Variants in MAGI2 observed in about 807,000 individuals in gnomAD.
MAGI2 encodes the protein membrane associated guanylate kinase, WW and PDZ domain containing 2, also known as membrane-associated guanylate kinase, WW and PDZ domain-containing protein 2.
Under a neutral mutation model 133.3 loss-of-function variants are expected in MAGI2, and 35 were observed. The observed-to-expected ratio is 0.26, with a 90% CI of 0.20 to 0.35. The LOEUF is 0.35. Ranked by LOEUF, MAGI2 falls within the 10% of genes least tolerant of loss-of-function variation. The probability of loss-of-function intolerance (pLI) is 1.00; values close to 1 mark genes in which losing one functional copy is unlikely to be tolerated. For missense variants in MAGI2, 1,636 were observed against 1,863.4 expected (o/e 0.88, Z 2.25); for synonymous variants, 729 against 710.6 (o/e 1.03, Z -0.41).
rs544152981 is a variant in MAGI2, at chr7:78,374,781, C to T, written c.1046-5568G>A. Among the ~76,000 whole-genome samples the T allele has an allele frequency of 5.3e-4, 80 of 152,050 alleles. 1 individual carries two copies. Among genetic ancestry groups the T allele is most frequent in the Non-Finnish European group, 8.8e-4 (60 of 67,984 alleles). On this transcript the variant is annotated intron_variant, in intron 6 of 21. Coordinates refer to ENST00000354212, the MANE Select transcript of MAGI2 (RefSeq NM_012301.4). ...GAACACTGGATTCATTTTGATAGAA[C>T]TGAAATTTAAATAAAATGAGAATGT...
At chr7:78,969,361 A>T (rs2115944561) in intron 2 of MAGI2, among the ~76,000 whole-genome samples, 1 of 152,164 alleles carries the variant, frequency 6.6e-6, no homozygotes, top group East Asian at 1.9e-4. Context: ...CGCCTTGGGT[A>T]ACCTACTTTC....
intron 2 of MAGI2, among the ~76,000 whole-genome samples, chr7:78,720,323 A>G (rs1195783362): frequency 6.6e-6 from 1 of 152,096 alleles, no homozygotes; most frequent in African/African-American, 2.4e-5. Context: ...AGTGTGTACT[A>G]ACTCACTTAA....
At chr7:78,195,832 C>T (rs1399001355) in intron 11 of MAGI2, among the ~76,000 whole-genome samples, 1 of 152,222 alleles carries the variant, frequency 6.6e-6, no homozygotes, top group Admixed American at 6.5e-5. Flanking sequence ...AAGCCAGACT[C>T]CCTGAGACCA....
At chr7:78,369,965 A>T (rs570217409) in intron 6 of MAGI2, among the ~76,000 whole-genome samples, 1 of 152,182 alleles carries the variant, frequency 6.6e-6, no homozygotes, top group Admixed American at 6.5e-5. Flanking sequence ...TATAATTATT[A>T]ACTCCTACAA....
At chr7:78,098,966 G>GT (rs559712637) in intron 20 of MAGI2, among the ~76,000 whole-genome samples, 7 of 151,864 alleles carry the variant, frequency 4.6e-5, no homozygotes, top group African/African-American at 1.7e-4. Flanking sequence ...AATTCATGGA[G>GT]TTTTTTTTAT....
At chr7:78,545,205 C>T (rs533842406) in intron 3 of MAGI2, among the ~76,000 whole-genome samples, 1 of 138,546 alleles carries the variant, frequency 7.2e-6, no homozygotes, top group Admixed American at 8.3e-5. Flanking sequence ...CTGATAATAA[C>T]CTGATTCTTT....
intron 2 of MAGI2, among the ~76,000 whole-genome samples, chr7:78,937,604 C>T (rs1487091639): frequency 6.6e-6 from 1 of 152,110 alleles, no homozygotes; most frequent in Non-Finnish European, 1.5e-5. Context: ...ACGTCACCAT[C>T]ACAAAGTAGA....
chr7:78,163,198 C>T (rs557466395), intron 15 of MAGI2, among the ~76,000 whole-genome samples: 12 of 152,138 alleles, frequency 7.9e-5, no homozygotes, highest in African/African-American at 1.7e-4. Context: ...AGTGCAGTGG[C>T]GCGGTCTTGG....
chr7:79,156,734 G>C (rs1823815336), intron 1 of MAGI2, among the ~76,000 whole-genome samples: 1 of 152,070 alleles, frequency 6.6e-6, no homozygotes, highest in South Asian at 2.1e-4. Flanking sequence ...CATGTTTTCA[G>C]GACCTCTTGA....
At chr7:79,378,140 C>T (rs1243979240) in intron 1 of MAGI2, among the ~76,000 whole-genome samples, 1 of 151,752 alleles carries the variant, frequency 6.6e-6, no homozygotes, top group African/African-American at 2.4e-5. Context: ...GGAAAACACA[C>T]CTGATTTGGT....
chr7:79,416,714 CTTTTCT>C (rs1563203576), intron 1 of MAGI2, among the ~76,000 whole-genome samples: 1 of 111,840 alleles, frequency 8.9e-6, no homozygotes, highest in African/African-American at 3.9e-5. Flanking sequence ...TTTTTCTTTT[CTTTTCT>C]TTTTCTTTTT....
At chr7:78,660,614 A>G (rs1244989743) in intron 2 of MAGI2, among the ~76,000 whole-genome samples, 1 of 152,212 alleles carries the variant, frequency 6.6e-6, no homozygotes, top group Non-Finnish European at 1.5e-5. Flanking sequence ...AACATGCTAT[A>G]AATGATATGA....
chr7:78,232,654 C>A (rs1278803770), intron 10 of MAGI2, among the ~76,000 whole-genome samples: 1 of 152,054 alleles, frequency 6.6e-6, no homozygotes, highest in Non-Finnish European at 1.5e-5. Context: ...AAAATGGTAA[C>A]CCCAATGTTA....
intron 12 of MAGI2, among the ~76,000 whole-genome samples, chr7:78,193,798 G>A (rs759027026): frequency 4.6e-5 from 7 of 151,802 alleles, no homozygotes; most frequent in Non-Finnish European, 5.9e-5. Context: ...GTTTCATTTT[G>A]ACATTAATGA....
intron 2 of MAGI2, among the ~76,000 whole-genome samples, chr7:78,954,343 T>TC (rs1159994156): frequency 1.3e-5 from 2 of 152,096 alleles, no homozygotes; most frequent in Non-Finnish European, 2.9e-5. Context: ...TCTTTTTTTT[T>TC]CCTCTGAAGA....
intron 2 of MAGI2, among the ~76,000 whole-genome samples, chr7:78,912,992 A>G (rs1355623981): frequency 6.6e-6 from 1 of 151,772 alleles, no homozygotes; most frequent in African/African-American, 2.4e-5. Flanking sequence ...GGGGGTGGAG[A>G]TCAAGAGAAA....
chr7:78,626,998 CATCTT>C, intron 3 of MAGI2, 117 bp downstream of exon 3: 2 of 897,376 alleles, frequency 2.2e-6, no homozygotes, highest in Non-Finnish European at 3.1e-6. Context: ...TTTCTAAACT[CATCTT>C]ATTAAAGCTC....
intron 21 of MAGI2, among the ~76,000 whole-genome samples, chr7:78,039,247 A>T (rs577497529): frequency 6.6e-6 from 1 of 152,218 alleles, no homozygotes; most frequent in Non-Finnish European, 1.5e-5. Flanking sequence ...AAAAATCTCA[A>T]TTCTCTAAAT....
At chr7:78,387,925 C>CAAATAAATAAAT (rs71085527) in intron 6 of MAGI2, among the ~76,000 whole-genome samples, 1 of 145,290 alleles carries the variant, frequency 6.9e-6, no homozygotes, top group Non-Finnish European at 1.5e-5. Context: ...AACTCTGTCT[C>CAAATAAATAAAT]AAATAAATAA....
Sources: gnomAD v4.1 joint callset for allele counts (sites outside exome capture counted in the v4.1 genomes callset) on GRCh38, gnomAD v4.1.1 for gene constraint, MANE v1.5 for transcripts, NCBI Gene and HGNC (gene_info 2026-07-23, HGNC 2026-07-21) for gene names.